The following MAPK4 variants were observed in gnomAD, a reference collection of about 807,000 sequenced individuals.
MAPK4 encodes the protein mitogen-activated protein kinase 4.
MAPK4 carries 22 observed loss-of-function variants against 47.7 expected under a neutral mutation model. That is an observed-to-expected ratio of 0.46 (90% CI 0.33 to 0.66). The LOEUF is 0.66. Ranked by LOEUF, MAPK4 falls within the 30% of genes least tolerant of loss-of-function variation. The pLI is 0.02. For synonymous variants in MAPK4, 390 were observed against 365.7 expected (o/e 1.07, Z -0.76); for missense variants, 736 against 831.7 (o/e 0.88, Z 1.42).
At chr18:50,604,723 G>A (rs2042568412) in intron 1 of MAPK4, among the ~76,000 whole-genome samples, 1 of 152,220 alleles carries the variant, frequency 6.6e-6, no homozygotes. Context: ...ATTTTAGTAT[G>A]AGGGAAAGAG....
chr18:50,563,343 C>T (rs767588590), intron 1 of MAPK4, among the ~76,000 whole-genome samples: 5 of 152,118 alleles, frequency 3.3e-5, no homozygotes, highest in African/African-American at 9.7e-5. Flanking sequence ...GAAAACAAAC[C>T]GAATTTAGAG....
At chr18:50,714,459 C>G (rs1407222782) in intron 2 of MAPK4, among the ~76,000 whole-genome samples, 1 of 152,190 alleles carries the variant, frequency 6.6e-6, no homozygotes. Context: ...CAGTCAGACT[C>G]CGAGAATCTC....
At chr18:50,690,487 G>A (rs186122591) in intron 2 of MAPK4, among the ~76,000 whole-genome samples, 303 of 152,272 alleles carry the variant, frequency 2.0e-3, no homozygotes, top group Non-Finnish European at 1.2e-3. Context: ...GAACAAAAAC[G>A]TAAAGAGCTT....
At chr18:50,671,852 C>T (rs1019004398) in intron 2 of MAPK4, among the ~76,000 whole-genome samples, 8 of 149,714 alleles carry the variant, frequency 5.3e-5, no homozygotes, top group Admixed American at 2.7e-4. Flanking sequence ...ATTATACCAT[C>T]GCACTTCAGC....
At chr18:50,572,568 G>A (rs1277005009) in intron 1 of MAPK4, among the ~76,000 whole-genome samples, 2 of 152,260 alleles carry the variant, frequency 1.3e-5, no homozygotes, top group Non-Finnish European at 2.9e-5. Flanking sequence ...CTTATCAGCA[G>A]TCTTTCTTCT....
chr18:50,573,949 C>T (rs1318396121), intron 1 of MAPK4, among the ~76,000 whole-genome samples: 3 of 152,156 alleles, frequency 2.0e-5, no homozygotes, highest in South Asian at 2.1e-4. Context: ...ACTGAAGCTA[C>T]GGGAAGATGT....
chr18:50,720,723 G>A (rs1437385605), intron 3 of MAPK4, among the ~76,000 whole-genome samples: 1 of 152,214 alleles, frequency 6.6e-6, no homozygotes, highest in Non-Finnish European at 1.5e-5. Flanking sequence ...CCCCTGGTGG[G>A]TGGTGTGGAG....
At chr18:50,669,207 T>C (rs1355415344) in intron 2 of MAPK4, 1 of 152,268 alleles carries the variant, frequency 6.6e-6, no homozygotes, top group Non-Finnish European at 1.5e-5. Flanking sequence ...GCAGGCCCGC[T>C]AATGAGTTCT....
In MAPK4 at chr18:50,664,006, C is replaced by T. The variant is rs752485103; in HGVS notation, c.48C>T (p.Leu16=). The change falls in exon 2 of 6, where the codon CTC becomes CTT. Residue 16 remains leucine, a synonymous_variant. Coordinates refer to ENST00000400384, the MANE Select transcript of MAPK4 (RefSeq NM_002747.4). The surrounding 1 kb of genome is among the most constrained non-coding windows in gnomAD (Gnocchi z 6.0). ...TCGCCAGTGTCTATGGGTATGACCT[C>T]GGTGGGCGCTTTGTTGACTTCCAAC... The part of the protein sequence containing the change: ...DCIASVYGYD[L]GGRFVDFQPL... 22 of 1,613,550 alleles carry T rather than the reference C, an allele frequency of 1.4e-5. No individual in the cohort carries two copies. Among genetic ancestry groups the T allele is most frequent in the Non-Finnish European group, 1.7e-5 (20 of 1,180,030 alleles).
At chr18:50,619,485 TTTG>T (rs1354193445) in intron 1 of MAPK4, among the ~76,000 whole-genome samples, 1 of 151,896 alleles carries the variant, frequency 6.6e-6, no homozygotes, top group Admixed American at 6.6e-5. Context: ...GGCTAATTTT[TTTG>T]TTTTTATTTT....
intron 1 of MAPK4, among the ~76,000 whole-genome samples, chr18:50,588,278 C>T (rs1017985332): frequency 1.3e-5 from 2 of 152,164 alleles, no homozygotes; most frequent in Non-Finnish European, 1.5e-5. Context: ...CCAGAAGGAC[C>T]GAGAAGGCTT....
chr18:50,681,292 C>A (rs1386937778), intron 2 of MAPK4, among the ~76,000 whole-genome samples: 1 of 151,942 alleles, frequency 6.6e-6, no homozygotes, highest in Non-Finnish European at 1.5e-5. Context: ...TTTAAATATT[C>A]CAAATGTAAG....
chr18:50,652,971 C>T (rs1358664781), intron 1 of MAPK4, among the ~76,000 whole-genome samples: 1 of 152,046 alleles, frequency 6.6e-6, no homozygotes, highest in African/African-American at 2.4e-5. Context: ...TGCTTGAGCC[C>T]AGGAGTTCGA....
intron 1 of MAPK4, among the ~76,000 whole-genome samples, chr18:50,651,398 C>A (rs1252224834): frequency 6.6e-6 from 1 of 152,198 alleles, no homozygotes; most frequent in Non-Finnish European, 1.5e-5. Context: ...ACCATCAAGA[C>A]TAAGAGGGTT....
intron 2 of MAPK4, among the ~76,000 whole-genome samples, chr18:50,673,243 C>T (rs1908065220): frequency 6.6e-6 from 1 of 152,186 alleles, no homozygotes; most frequent in Non-Finnish European, 1.5e-5. Context: ...CACCACTTCA[C>T]TCCAGCCTAA....
At chr18:50,651,815 C>T (rs1451297972) in intron 1 of MAPK4, among the ~76,000 whole-genome samples, 1 of 152,192 alleles carries the variant, frequency 6.6e-6, no homozygotes, top group Non-Finnish European at 1.5e-5. Flanking sequence ...CTGATGCTCC[C>T]GCCAGTCTCC....
At chr18:50,684,569 C>T (rs1442070647) in intron 2 of MAPK4, among the ~76,000 whole-genome samples, 3 of 151,358 alleles carry the variant, frequency 2.0e-5, no homozygotes, top group African/African-American at 7.3e-5. Flanking sequence ...AGCTTTTATT[C>T]CCCTTCACTC....
chr18:50,626,931 A>G (rs1427690157), intron 1 of MAPK4, among the ~76,000 whole-genome samples: 1 of 152,192 alleles, frequency 6.6e-6, no homozygotes, highest in East Asian at 1.9e-4. Context: ...CCTCCTGGCT[A>G]TCTCCTGTCC....
rs2042467721 is a variant in MAPK4 at position 50,594,788 on chromosome 18, T to C, written c.-871+34545T>C. Among the ~76,000 whole-genome samples the C allele has an allele frequency of 5.3e-5, 8 of 152,140 alleles. No individual in the cohort carries two copies. The South Asian group carries it at 1.4e-3, about 28-fold the overall frequency. On this transcript the variant is annotated intron_variant, in intron 1 of 5. Coordinates refer to ENST00000400384, the MANE Select transcript of MAPK4 (RefSeq NM_002747.4). ...GAAGAGCTGTTATTAAGAAAATTAA[T>C]AGGCAATCCATAGGCTAGCAGGAAA...
Sources: gnomAD v4.1 joint callset for allele counts (sites outside exome capture counted in the v4.1 genomes callset) on GRCh38, gnomAD v4.1.1 for gene constraint, Gnocchi (gnomAD v3.1) non-coding constraint, MANE v1.5 for transcripts, NCBI Gene and HGNC (gene_info 2026-07-23, HGNC 2026-07-21) for gene names.